MYH14: variants seen among roughly 807,000 people sequenced by gnomAD.
MYH14 encodes the protein myosin heavy chain 14.
In MYH14, 123 loss-of-function variants were observed where a neutral mutation model predicts 255.5. The observed-to-expected ratio is 0.48, with a 90% CI of 0.42 to 0.56. The LOEUF (loss-of-function observed/expected upper bound fraction) is 0.56. MYH14 is among the 20% of genes least tolerant of loss of function. The probability of loss-of-function intolerance (pLI) is 0.00; values close to 1 mark genes in which losing one functional copy is unlikely to be tolerated. For missense variants in MYH14, 2,423 were observed against 2,802.3 expected, an observed-to-expected ratio of 0.86 and a Z score of 3.06; for synonymous variants, 1,095 against 1,161.2, an observed-to-expected ratio of 0.94 and a Z score of 1.16.
chr19:50,303,885 A>G (rs7245789), intron 40 of MYH14, among the ~76,000 whole-genome samples: 80,086 of 152,016 alleles, frequency 0.53, 21,412 homozygotes, highest in African/African-American at 0.58. Context: ...CCCCCATAAC[A>G]TTCCTAGTTG....
Position 50,231,972 on chromosome 19 carries a change from C to T in MYH14, c.1016C>T (p.Thr339Ile), listed in dbSNP as rs1265377598. 3.7e-6 allele frequency: 6 copies of T among 1,613,966 alleles called. No homozygotes were observed. Among genetic ancestry groups the T allele is most frequent in the Middle Eastern group, 1.6e-4 (1 of 6,062 alleles). Residue 339 changes from threonine (T) to isoleucine (I), a missense_variant, in exon 10 of 43, where the codon ACC becomes ATC. Transcript: ENST00000642316. ...LEPCSHYRFL[T>I]NGPSSSPGQE... is the part of the protein sequence containing the mutation. ...CCCTGCTCCCACTACCGGTTCCTGA[C>T]CAACGGGCCGTCATCCTCTCCCGGC...
At chr19:50,224,221 C>G in intron 6 of MYH14, 44 bp downstream of exon 6, 1 of 1,613,642 alleles carries the variant, frequency 6.2e-7, no homozygotes, top group South Asian at 1.1e-5. Context: ...CCCCTAATGC[C>G]TTCCCGGCCA....
At position 50,265,710 on chromosome 19, in the gene MYH14, A is replaced by G. The variant is rs188432419; in HGVS notation, c.2695-1167A>G. ...GTGTCAGGCACCTGTAATCCCAGCT[A>G]CTCAGGAGGCTGAGGCAGGTGAATC... On this transcript the variant is annotated intron_variant, in intron 22 of 42. Coordinates refer to ENST00000642316, the MANE Select transcript of MYH14 (RefSeq NM_001145809.2). Among the ~76,000 whole-genome samples the G allele has an allele frequency of 7.8e-4, 118 of 151,812 alleles. 1 individual carries two copies. Among genetic ancestry groups the G allele is most frequent in the Admixed American group, 7.7e-3 (118 of 15,230 alleles).
chr19:50,299,705 G>A (rs2036411528), intron 39 of MYH14, among the ~76,000 whole-genome samples: 1 of 152,070 alleles, frequency 6.6e-6, no homozygotes, highest in African/African-American at 2.4e-5. Flanking sequence ...AGCAGTTTGG[G>A]AGACCGAGGT....
chr19:50,218,322 C>T (rs1055180262), intron 3 of MYH14, among the ~76,000 whole-genome samples: 3 of 151,314 alleles, frequency 2.0e-5, no homozygotes, highest in African/African-American at 7.3e-5. Context: ...TTTGGCCAGG[C>T]GCGGTGGCTC....
At chr19:50,234,318 G>A (rs534478051) in intron 10 of MYH14, among the ~76,000 whole-genome samples, 145 of 152,310 alleles carry the variant, frequency 9.5e-4, no homozygotes, top group African/African-American at 3.4e-3. Context: ...ATGTTTCATT[G>A]TTTGCGTGAA....
At chr19:50,209,640 C>T (rs775619394) in intron 1 of MYH14, among the ~76,000 whole-genome samples, 3 of 151,622 alleles carry the variant, frequency 2.0e-5, no homozygotes, top group African/African-American at 4.8e-5. Flanking sequence ...AAACAATAGC[C>T]GGGTATGGTG....
chr19:50,276,690 GC>G lies in MYH14; in HGVS notation c.3681-66del. On this transcript the variant is annotated intron_variant, in intron 28 of 42. Transcript: ENST00000642316. The surrounding 1 kb of genome is among the most constrained non-coding windows in gnomAD (Gnocchi z 4.3). ...GAAACATGAAAAGGAGAAACAACCA[GC>G]TCCCCCAAAGCCCCTGCCTTCCTCT... The G allele has an allele frequency of 6.2e-7, 1 of 1,602,498 alleles. No individual in the cohort carries two copies. The highest frequency in any genetic ancestry group is 8.5e-7 in the Non-Finnish European group (1 of 1,171,882).
At chr19:50,236,385 G>C (rs2033657345) in intron 10 of MYH14, among the ~76,000 whole-genome samples, 1 of 151,648 alleles carries the variant, frequency 6.6e-6, no homozygotes, top group South Asian at 2.1e-4. Context: ...TTGTGCTCTT[G>C]TGGAAACAGA....
At position 50,293,158 on chromosome 19, in the gene MYH14, G is replaced by A; in HGVS notation, c.5257-75G>A. 1 of 1,059,232 alleles carries A rather than the reference G, an allele frequency of 9.4e-7. No homozygotes were observed. Among genetic ancestry groups the A allele is most frequent in the Admixed American group, 2.0e-5 (1 of 50,430 alleles). The allele number at this position is 1,059,232 out of a possible 1,614,324, so 65.6% of individuals were successfully genotyped here. On this transcript the variant is annotated intron_variant, in intron 37 of 42. Transcript: ENST00000642316. This position sits in a 1 kb window ranked among gnomAD's most constrained non-coding sequence, Gnocchi z 4.1. ...AAAGCCAAGAGCCTTGAGGTGTGAGGGACAGAGAAAGGGGTGAGACCCGTG... is the reference window on the plus strand; with the variant it reads ...AAAGCCAAGAGCCTTGAGGTGTGAGAGACAGAGAAAGGGGTGAGACCCGTG...
intron 3 of MYH14, among the ~76,000 whole-genome samples, chr19:50,220,883 G>A (rs1264845402): frequency 6.6e-6 from 1 of 152,142 alleles, no homozygotes; most frequent in Non-Finnish European, 1.5e-5. Flanking sequence ...CATATTAAAT[G>A]GGAGTATCAA....
chr19:50,293,271 G>A lies in MYH14; in HGVS notation c.5295G>A (p.Gln1765=), dbSNP rs758933408. 2 of 1,609,946 alleles carry A rather than the reference G, an allele frequency of 1.2e-6. No individual in the cohort carries two copies. The highest frequency in any genetic ancestry group is 2.2e-5 in the East Asian group (1 of 44,760). ...CGGACCGTGCTCGGCGGCAGGCCCA[G>A]CAGGACCGGGATGAGATGGCAGATG... ...AASDRARRQA[Q]QDRDEMADEV... Residue 1765 remains glutamine (Q), a synonymous_variant, in exon 38 of 43, where the codon CAG becomes CAA. Transcript: ENST00000642316. The surrounding 1 kb of genome is among the most constrained non-coding windows in gnomAD (Gnocchi z 4.1).
intron 11 of MYH14, among the ~76,000 whole-genome samples, chr19:50,245,476 AAAG>A (rs1293674215): frequency 2.6e-5 from 4 of 151,372 alleles, no homozygotes; most frequent in African/African-American, 9.7e-5. Flanking sequence ...AGAAAAAGAA[AAAG>A]AAAGACAATT....
intron 22 of MYH14, 29 bp downstream of exon 22, chr19:50,263,449 G>A (rs972510276): frequency 6.5e-7 from 1 of 1,533,834 alleles, no homozygotes; most frequent in Middle Eastern, 1.8e-4. Flanking sequence ...GGTGGCCCCA[G>A]TAGGGAGAGG....
intron 33 of MYH14, among the ~76,000 whole-genome samples, chr19:50,282,885 T>C (rs2035773080): frequency 6.6e-6 from 1 of 152,186 alleles, no homozygotes; most frequent in Non-Finnish European, 1.5e-5. Flanking sequence ...CTGTGCTTCC[T>C]GTAGCTGTGG....
rs754454549 is a variant in MYH14 at position 50,309,710 on chromosome 19, G to A, written c.6031G>A (p.Asp2011Asn). The change falls in exon 43 of 43, where the codon GAC (aspartate) becomes AAC (asparagine). Residue 2011 changes from aspartate (D) to asparagine (N), a missense_variant. Transcript: ENST00000642316. ...VFRLEEGVAS[D>N]EEAEEAQPGS... ...CCGACTAGAGGAGGGCGTGGCATCC[G>A]ACGAGGAGGCAGAGGAAGCACAGCC... 13 of 1,605,618 alleles carry A rather than the reference G, an allele frequency of 8.1e-6. No individual in the cohort carries two copies. The African/African-American group carries it at 1.2e-4, about 15-fold the overall frequency.
intron 22 of MYH14, among the ~76,000 whole-genome samples, chr19:50,265,151 G>C (rs1018413778): frequency 1.3e-5 from 2 of 152,176 alleles, no homozygotes; most frequent in Admixed American, 1.3e-4. Flanking sequence ...GGCTGTTTTT[G>C]CAAAAGCCCT....
In MYH14 at chr19:50,307,163, C is replaced by T; in HGVS notation, c.5787+6C>T. ...CTGACCAGCTCCGGGACCAGGTAAG[C>T]AGCTGGCATCATTAGGGAGCAGTGG... On this transcript the variant is annotated splice_donor_region_variant and intron_variant, in intron 41 of 42. Coordinates refer to ENST00000642316, the MANE Select transcript of MYH14 (RefSeq NM_001145809.2). 2.6e-6 allele frequency: 4 copies of T among 1,520,058 alleles called. No individual in the cohort carries two copies. The highest frequency in any genetic ancestry group is 2.4e-5 in the South Asian group (2 of 83,332). The allele number at this position is 1,520,058 out of a possible 1,614,324, so 94.2% of individuals were successfully genotyped here.
chr19:50,234,814 A>C (rs552870508), intron 10 of MYH14, among the ~76,000 whole-genome samples: 16 of 152,298 alleles, frequency 1.1e-4, no homozygotes, highest in African/African-American at 3.9e-4. Context: ...AGAAATAAAA[A>C]CTTTGCAGCA....
Sources: allele counts gnomAD v4.1 joint callset (sites outside exome capture counted in the v4.1 genomes callset), GRCh38; gene constraint gnomAD v4.1.1; non-coding constraint Gnocchi (gnomAD v3.1); transcripts MANE v1.5; gene names NCBI Gene and HGNC (gene_info 2026-07-23, HGNC 2026-07-21).